The following LAMB1 variants were observed in gnomAD, a reference collection of about 807,000 sequenced individuals.
LAMB1 encodes laminin subunit beta 1, also known as laminin subunit beta-1.
Under a neutral mutation model 222.3 loss-of-function variants are expected in LAMB1, and 121 were observed. The ratio of observed to expected loss-of-function variants is 0.54; its 90% confidence interval spans 0.47 to 0.63. The LOEUF (loss-of-function observed/expected upper bound fraction) is 0.63, where lower values mean the gene tolerates loss of function less well. Ranked by LOEUF, LAMB1 falls within the 30% of genes least tolerant of loss-of-function variation. The pLI is 0.00. For missense variants in LAMB1, 2,172 were observed against 2,240.8 expected (o/e 0.97, Z 0.62); for synonymous variants, 794 against 807.2 (o/e 0.98, Z 0.28).
At chr7:107,941,034 G>C (rs1331658915) in intron 24 of LAMB1, among the ~76,000 whole-genome samples, 2 of 152,204 alleles carry the variant, frequency 1.3e-5, no homozygotes, top group African/African-American at 4.8e-5. Context: ...ATCTAACTTG[G>C]GGGTGTCTGC....
intron 4 of LAMB1, among the ~76,000 whole-genome samples, chr7:107,996,879 A>C (rs1202780403): frequency 6.6e-6 from 1 of 152,216 alleles, no homozygotes; most frequent in Non-Finnish European, 1.5e-5. Flanking sequence ...AGATCAGGAA[A>C]TGTTCCTAGT....
chr7:107,946,891 G>A (rs577306325), intron 24 of LAMB1, among the ~76,000 whole-genome samples: 34 of 152,240 alleles, frequency 2.2e-4, no homozygotes, highest in African/African-American at 7.7e-4. Context: ...GCCACTACCC[G>A]GACCCTCTTG....
At chr7:107,929,980 T>C (rs188005250) in intron 29 of LAMB1, 153 of 280,492 alleles carry the variant, frequency 5.5e-4, no homozygotes, top group African/African-American at 3.2e-3. Context: ...CGGGAAAGTA[T>C]AGCAGAGTGA....
intron 2 of LAMB1, chr7:108,001,991 A>C: frequency 6.9e-7 from 1 of 1,444,718 alleles, no homozygotes; most frequent in Non-Finnish European, 9.1e-7. Context: ...CCCTCCCGGG[A>C]AACCCACCGA....
chr7:107,980,705 T>C lies in LAMB1; in HGVS notation c.783A>G (p.Ala261=). 6.2e-6 allele frequency: 10 copies of C among 1,613,790 alleles called. No homozygotes were observed. The highest frequency in any genetic ancestry group is 8.5e-6 in the Non-Finnish European group (10 of 1,179,674). ...RMEIREKYYY[A]VYDMVVRGNC... Reference sequence around the variant, plus strand: ...TTCCTCGAACCACCATATCATAAACTGCATAATAATACTTTTCTCTGATTT... The same window carrying C: ...TTCCTCGAACCACCATATCATAAACCGCATAATAATACTTTTCTCTGATTT... Residue 261 remains alanine, a synonymous_variant, in exon 8 of 34, where the codon GCA becomes GCG. Transcript: ENST00000222399.
At chr7:107,963,850 A>C (rs898843763) in intron 14 of LAMB1, among the ~76,000 whole-genome samples, 1 of 152,210 alleles carries the variant, frequency 6.6e-6, no homozygotes, top group African/African-American at 2.4e-5. Context: ...TGTAATCCCA[A>C]CACTTTGGGA....
intron 11 of LAMB1, 36 bp downstream of exon 11, chr7:107,975,198 A>G (rs755137198): frequency 1.3e-6 from 2 of 1,593,248 alleles, no homozygotes; most frequent in South Asian, 2.2e-5. Flanking sequence ...TTTCAAACAC[A>G]AGAAAACTCC....
At chr7:107,942,747 G>A (rs904777586) in intron 24 of LAMB1, 12 of 152,126 alleles carry the variant, frequency 7.9e-5, no homozygotes, top group South Asian at 2.1e-4. Context: ...ATCACTTTTC[G>A]TGTCCCTACA....
At chr7:108,001,275 AC>A (rs2034376822) in intron 3 of LAMB1, among the ~76,000 whole-genome samples, 2 of 152,266 alleles carry the variant, frequency 1.3e-5, no homozygotes, top group African/African-American at 2.4e-5. Context: ...TAAAAAACAC[AC>A]ACACAATCAG....
chr7:107,988,461 G>T (rs997218904), intron 5 of LAMB1, among the ~76,000 whole-genome samples: 10 of 152,140 alleles, frequency 6.6e-5, no homozygotes, highest in African/African-American at 2.4e-4. Context: ...AAGAAAAAAG[G>T]AATGGGTAAG....
chr7:107,929,766 A>G (rs1328060011), intron 29 of LAMB1, 147 bp from the exon 30 acceptor site: 2 of 612,126 alleles, frequency 3.3e-6, no homozygotes, highest in South Asian at 2.3e-5. Flanking sequence ...TTTATAATCT[A>G]TCTGGGATTT....
chr7:107,964,009 A>G (rs1019848256), intron 14 of LAMB1, among the ~76,000 whole-genome samples: 8 of 152,244 alleles, frequency 5.3e-5, no homozygotes, highest in African/African-American at 1.9e-4. Context: ...AAGCAGGAGA[A>G]TCGCTTCAAC....
At chr7:107,927,268 T>C (rs1047906717) in intron 31 of LAMB1, among the ~76,000 whole-genome samples, 1 of 152,246 alleles carries the variant, frequency 6.6e-6, no homozygotes, top group African/African-American at 2.4e-5. Context: ...GAATTGTTTC[T>C]GATAAGCTTT....
chr7:107,987,553 T>C lies in LAMB1; in HGVS notation c.424-1190A>G, dbSNP rs554769318. Among the ~76,000 whole-genome samples the C allele has an allele frequency of 2.0e-3, 300 of 152,198 alleles. 3 individuals carry two copies. Among genetic ancestry groups the C allele is most frequent in the Non-Finnish European group, 4.3e-4 (29 of 68,012 alleles). On this transcript the variant is annotated intron_variant, in intron 5 of 33. Coordinates refer to ENST00000222399, the MANE Select transcript of LAMB1 (RefSeq NM_002291.3). Reference sequence around the variant, plus strand: ...AGTCTCGCTGTGGCCCAGGCTGGAGTGCAGTGGCACGATCTCAGTTCAATG... The same window carrying C: ...AGTCTCGCTGTGGCCCAGGCTGGAGCGCAGTGGCACGATCTCAGTTCAATG...
chr7:107,985,206 T>C (rs2034050433), intron 7 of LAMB1, among the ~76,000 whole-genome samples: 1 of 152,250 alleles, frequency 6.6e-6, no homozygotes, highest in African/African-American at 2.4e-5. Context: ...AGAGTAATTA[T>C]TGCTAATTTC....
At chr7:107,994,827 A>G (rs2034253368) in intron 5 of LAMB1, 60 bp downstream of exon 5, 2 of 895,636 alleles carry the variant, frequency 2.2e-6, no homozygotes, top group African/African-American at 3.3e-5. Context: ...ATCCATTTTG[A>G]AAGGGGACAT....
intron 7 of LAMB1, among the ~76,000 whole-genome samples, chr7:107,981,915 T>C (rs1194432918): frequency 3.3e-5 from 5 of 152,236 alleles, no homozygotes; most frequent in Non-Finnish European, 4.4e-5. Context: ...AGAGAACATT[T>C]CAAGTTTTTA....
At chr7:107,933,875 C>T (rs1393289159) in intron 27 of LAMB1, among the ~76,000 whole-genome samples, 2 of 152,184 alleles carry the variant, frequency 1.3e-5, no homozygotes, top group Middle Eastern at 3.2e-3. Flanking sequence ...CCCCACCCAC[C>T]GCCCATGCAT....
chr7:107,972,208 C>T (rs1022740694), intron 13 of LAMB1, among the ~76,000 whole-genome samples: 1 of 152,192 alleles, frequency 6.6e-6, no homozygotes, highest in Non-Finnish European at 1.5e-5. Context: ...CTGCTGAATA[C>T]CTCATTCCTT....
Sources: gnomAD v4.1 joint callset for allele counts (sites outside exome capture counted in the v4.1 genomes callset) on GRCh38, gnomAD v4.1.1 for gene constraint, MANE v1.5 for transcripts, NCBI Gene and HGNC (gene_info 2026-07-23, HGNC 2026-07-21) for gene names.